PPL: variants seen among roughly 807,000 people sequenced by gnomAD.
PPL encodes the protein 190 kDa paraneoplastic pemphigus antigen.
Under a neutral mutation model 194.4 loss-of-function variants are expected in PPL, and 198 were observed. That is an observed-to-expected ratio of 1.02 (90% confidence interval 0.91 to 1.15). The LOEUF is 1.15. PPL is among the 50% of genes most tolerant of loss of function. The probability of loss-of-function intolerance (pLI) is 0.00; values close to 1 mark genes in which losing one functional copy is unlikely to be tolerated. For missense variants in PPL, 2,885 were observed against 2,294.8 expected (o/e 1.26, Z -5.25); for synonymous variants, 1,220 against 972.4 (o/e 1.25, Z -4.74).
chr16:4,903,396 A>G (rs1325279014), intron 3 of PPL, among the ~76,000 whole-genome samples: 1 of 152,158 alleles, frequency 6.6e-6, no homozygotes, highest in Non-Finnish European at 1.5e-5. Context: ...ACTGCAAAAT[A>G]GGGTCATCAA....
chr16:4,910,940 G>C lies in PPL; in HGVS notation c.72C>G (p.Asn24Lys), dbSNP rs995135225. ...GCTCGATCAGCTCCGAGAGCTCCTT[G>C]TTAGAGATGCTGCGGGCAGAAGCCG... is the stretch of plus-strand genomic sequence containing the variant. ...SPTVQTRSIS[N>K]KELSELIEQL... Residue 24 changes from asparagine to lysine, a missense_variant, in exon 2 of 22, where the codon AAC (asparagine) becomes AAG (lysine). Asn to Lys is a moderately conservative substitution (Grantham distance 94). Transcript: ENST00000345988. 6.2e-7 allele frequency: 1 copy of C among 1,612,528 alleles called. No homozygotes were observed. Among genetic ancestry groups the C allele is most frequent in the East Asian group, 2.2e-5 (1 of 44,858 alleles).
chr16:4,898,110 G>T (rs2088470196), intron 8 of PPL, among the ~76,000 whole-genome samples: 1 of 152,224 alleles, frequency 6.6e-6, no homozygotes, highest in Admixed American at 6.5e-5. Context: ...AGGCATGGTG[G>T]CTCACACCTG....
intron 1 of PPL, among the ~76,000 whole-genome samples, chr16:4,935,387 G>C (rs1021268578): frequency 6.6e-6 from 1 of 152,122 alleles, no homozygotes; most frequent in Non-Finnish European, 1.5e-5. Context: ...GGACTGGATG[G>C]GTCTAGTCTC....
intron 12 of PPL, among the ~76,000 whole-genome samples, 194 bp downstream of exon 12, chr16:4,894,273 A>G (rs2088376191): frequency 6.6e-6 from 1 of 152,162 alleles, no homozygotes; most frequent in Non-Finnish European, 1.5e-5. Context: ...AGAGCTAGAC[A>G]TTCATGTTTA....
chr16:4,915,580 G>A (rs143394604), intron 1 of PPL, among the ~76,000 whole-genome samples: 1,556 of 152,316 alleles, frequency 0.01, 26 homozygotes, highest in African/African-American at 0.034. Flanking sequence ...GGGTCACACA[G>A]CTGGTGAACC....
In PPL at chr16:4,902,151, C is replaced by T. The variant is rs149968782; in HGVS notation, c.438+255G>A. Among the ~76,000 whole-genome samples, 121 of 152,190 alleles carry T rather than the reference C, an allele frequency of 8.0e-4. No homozygotes were observed. Among genetic ancestry groups the T allele is most frequent in the African/African-American group, 2.9e-3 (120 of 41,520 alleles). On this transcript the variant is annotated intron_variant, in intron 4 of 21. Transcript: ENST00000345988. This position sits in a 1 kb window ranked among gnomAD's most constrained non-coding sequence, Gnocchi z 4.0. ...AACATGCCAGGGTTGGAAAGTGGGACCCAGGAGCAGCAGCGAGGTGTGGCT... is the reference window on the plus strand; with the variant it reads ...AACATGCCAGGGTTGGAAAGTGGGATCCAGGAGCAGCAGCGAGGTGTGGCT...
chr16:4,893,201 A>G lies in PPL; in HGVS notation c.1650+12T>C, dbSNP rs1244528749. 11 of 1,540,916 alleles carry G rather than the reference A, an allele frequency of 7.1e-6. No individual in the cohort carries two copies. The highest frequency in any genetic ancestry group is 1.4e-5 in the African/African-American group (1 of 73,620). ...TCCCCCGGCCCCACCTGTGCTCCTG[A>G]CCCGCAGGTACCTTGAGGTCCTTGG... is the stretch of plus-strand genomic sequence containing the variant. On this transcript the variant is annotated intron_variant, in intron 14 of 21. Transcript: ENST00000345988.
chr16:4,891,850 C>G lies in PPL; in HGVS notation c.1929G>C (p.Glu643Asp). The G allele has an allele frequency of 6.2e-7, 1 of 1,613,454 alleles. No individual in the cohort carries two copies. Among genetic ancestry groups the G allele is most frequent in the African/African-American group, 1.3e-5 (1 of 75,054 alleles). The change falls in exon 16 of 22, where the codon GAG (glutamate) becomes GAC (aspartate). Residue 643 changes from glutamate to aspartate, a missense_variant. Glu to Asp is a conservative substitution (Grantham distance 45). Transcript: ENST00000345988. ...CCTTGCTGTCCAGGACACGGCTGCT[C>G]TCAGGCACTGTGTCATCCTGATTCA... is the stretch of plus-strand genomic sequence containing the variant. Reference protein sequence around the residue: ...NHLNQDDTVPESSRVLDSKGQ... With the variant: ...NHLNQDDTVPDSSRVLDSKGQ...
intron 19 of PPL, chr16:4,888,664 G>A (rs1735577553): frequency 2.5e-6 from 1 of 397,368 alleles, no homozygotes; most frequent in Non-Finnish European, 4.5e-6. Context: ...CAGCGTACTA[G>A]TTTTGCTATT....
At chr16:4,901,318 G>A (rs1270560142) in intron 4 of PPL, among the ~76,000 whole-genome samples, 3 of 152,174 alleles carry the variant, frequency 2.0e-5, no homozygotes, top group Non-Finnish European at 2.9e-5. Context: ...CATGGTTACT[G>A]TCCCATCTCT....
chr16:4,885,440 T>C lies in PPL; in HGVS notation c.3215A>G (p.Gln1072Arg), dbSNP rs770405631. 5.6e-6 allele frequency: 9 copies of C among 1,612,448 alleles called. No homozygotes were observed. Among genetic ancestry groups the C allele is most frequent in the African/African-American group, 1.3e-5 (1 of 74,848 alleles). ...NDPQLEAEYQ[Q>R]LQEDHQRQDQ... ...CTGGCGCTGGTGGTCCTCCTGCAGC[T>C]GCTGGTACTCTGCCTCCAGCTGGGG... Residue 1072 changes from glutamine to arginine, a missense_variant, in exon 22 of 22, where the codon CAG (glutamine) becomes CGG (arginine). Gln to Arg is a conservative substitution (Grantham distance 43). Transcript: ENST00000345988. This position sits in a 1 kb window ranked among gnomAD's most constrained non-coding sequence, Gnocchi z 6.3.
chr16:4,924,063 C>G (rs1029170835), intron 1 of PPL, among the ~76,000 whole-genome samples: 2 of 152,218 alleles, frequency 1.3e-5, no homozygotes, highest in Non-Finnish European at 2.9e-5. Context: ...CACTCAACAG[C>G]TGGAAAACAT....
chr16:4,906,926 G>C (rs1236358015), intron 2 of PPL, among the ~76,000 whole-genome samples: 1 of 152,148 alleles, frequency 6.6e-6, no homozygotes, highest in African/African-American at 2.4e-5. Context: ...GTTTATATAA[G>C]TTATACCTTG....
chr16:4,926,015 C>A (rs1288341208), intron 1 of PPL, among the ~76,000 whole-genome samples: 2 of 152,216 alleles, frequency 1.3e-5, no homozygotes, highest in South Asian at 2.1e-4. Context: ...GTTGTCCCCA[C>A]AAGGGACTCC....
chr16:4,910,099 C>A (rs1292811902), intron 2 of PPL, among the ~76,000 whole-genome samples: 2 of 152,138 alleles, frequency 1.3e-5, no homozygotes, highest in African/African-American at 4.8e-5. Context: ...ATTCCAGCGG[C>A]TCGTGAGTCC....
chr16:4,891,176 C>A (rs741770), intron 16 of PPL, among the ~76,000 whole-genome samples: 2 of 152,178 alleles, frequency 1.3e-5, no homozygotes, highest in South Asian at 2.1e-4. Flanking sequence ...TGCGCGAGAA[C>A]AGCCTGCCAC....
chr16:4,896,085 TC>T (rs1197216196), intron 9 of PPL, among the ~76,000 whole-genome samples: 1 of 152,174 alleles, frequency 6.6e-6, no homozygotes, highest in Non-Finnish European at 1.5e-5. Context: ...GATAATAGCC[TC>T]CCCTTTTTGT....
chr16:4,884,068 G>T lies in PPL; in HGVS notation c.4587C>A (p.Ser1529Arg). The T allele has an allele frequency of 6.2e-7, 1 of 1,613,058 alleles. No individual in the cohort carries two copies. ...TCACCTCGACGTCCAGCTCGCGCTTGCTGCGGCTCTCCTCCTCCAGGCTGC... is the reference window on the plus strand; with the variant it reads ...TCACCTCGACGTCCAGCTCGCGCTTTCTGCGGCTCTCCTCCTCCAGGCTGC... ...LKSSLEEESR[S>R]KRELDVEVSR... Residue 1529 changes from serine (S) to arginine (R), a missense_variant, in exon 22 of 22, where the codon AGC (serine) becomes AGA (arginine). Physicochemically the swap from Ser to Arg is moderately radical, Grantham distance 110. Transcript: ENST00000345988. The surrounding 1 kb of genome is among the most constrained non-coding windows in gnomAD (Gnocchi z 5.7).
At chr16:4,919,184 G>A (rs2088987315) in intron 1 of PPL, among the ~76,000 whole-genome samples, 1 of 152,222 alleles carries the variant, frequency 6.6e-6, no homozygotes, top group Non-Finnish European at 1.5e-5. Flanking sequence ...GGCAGTGGCC[G>A]CTGGCCCTCG....
Sources: allele counts gnomAD v4.1 joint callset (sites outside exome capture counted in the v4.1 genomes callset), GRCh38; gene constraint gnomAD v4.1.1; non-coding constraint Gnocchi (gnomAD v3.1); transcripts MANE v1.5; gene names NCBI Gene and HGNC (gene_info 2026-07-23, HGNC 2026-07-21).